Variants in KCNT2 observed in about 807,000 individuals in gnomAD.
KCNT2 encodes potassium channel subfamily T member 2.
A neutral mutation model predicts 153.8 loss-of-function variants in KCNT2; 67 were observed. The ratio of observed to expected loss-of-function variants is 0.44; its 90% CI spans 0.36 to 0.53. The LOEUF is 0.53. Ranked by LOEUF, KCNT2 falls within the 20% of genes least tolerant of loss-of-function variation. The pLI is 0.00. For synonymous variants in KCNT2, 500 were observed against 458.8 expected (o/e 1.09, Z -1.15); for missense variants, 975 against 1,354.8 (o/e 0.72, Z 4.40).
At chr1:196,508,155 A>G (rs893235302) in intron 1 of KCNT2, among the ~76,000 whole-genome samples, 10 of 150,366 alleles carry the variant, frequency 6.7e-5, no homozygotes, top group African/African-American at 2.4e-4. Flanking sequence ...GCAGCATTAA[A>G]TAAATGAATC....
intron 27 of KCNT2, among the ~76,000 whole-genome samples, chr1:196,229,227 T>G (rs984518116): frequency 7.2e-5 from 11 of 152,122 alleles, no homozygotes; most frequent in Admixed American, 3.9e-4. Context: ...TTTTCCAGCA[T>G]GTGCTCACTT....
At chr1:196,573,497 A>T (rs1311419228) in intron 1 of KCNT2, among the ~76,000 whole-genome samples, 1 of 152,100 alleles carries the variant, frequency 6.6e-6, no homozygotes, top group Non-Finnish European at 1.5e-5. Context: ...AAATGATCTT[A>T]ACAACTTTGA....
intron 27 of KCNT2, among the ~76,000 whole-genome samples, chr1:196,228,683 G>A (rs1404903350): frequency 6.6e-6 from 1 of 152,006 alleles, no homozygotes; most frequent in East Asian, 1.9e-4. Flanking sequence ...TTATGATTAA[G>A]TATGCTGTTG....
intron 16 of KCNT2, among the ~76,000 whole-genome samples, chr1:196,339,179 T>A (rs1364011614): frequency 6.6e-6 from 1 of 151,718 alleles, no homozygotes; most frequent in East Asian, 1.9e-4. Context: ...AGAACAGAAG[T>A]GACCACACAA....
At chr1:196,521,878 G>A (rs1653472227) in intron 1 of KCNT2, among the ~76,000 whole-genome samples, 1 of 151,970 alleles carries the variant, frequency 6.6e-6, no homozygotes, top group African/African-American at 2.4e-5. Flanking sequence ...AAAATAATCT[G>A]TACAACAAAC....
chr1:196,340,650 T>C, intron 15 of KCNT2, 80 bp from the exon 16 acceptor site: 2 of 815,016 alleles, frequency 2.5e-6, no homozygotes, highest in South Asian at 2.0e-5. Flanking sequence ...CTTTAAATAA[T>C]AGCATTTTAA....
intron 14 of KCNT2, among the ~76,000 whole-genome samples, chr1:196,366,607 T>G (rs889029249): frequency 1.3e-5 from 2 of 152,142 alleles, no homozygotes; most frequent in Admixed American, 1.3e-4. Context: ...ACCAACTCCT[T>G]GATGAAGTCA....
Position 196,421,397 on chromosome 1 carries a change from A to G in KCNT2, c.1185+1653T>C, listed in dbSNP as rs199943373. ...CATACTGAAAAACTGAAAGTAATTTAAAGCCAAATTACCACTCGAGGGGGC... is the reference window on the plus strand; with the variant it reads ...CATACTGAAAAACTGAAAGTAATTTGAAGCCAAATTACCACTCGAGGGGGC... On this transcript the variant is annotated intron_variant, in intron 12 of 27. Coordinates refer to ENST00000294725, the MANE Select transcript of KCNT2 (RefSeq NM_198503.5). Among the ~76,000 whole-genome samples the G allele has an allele frequency of 3.0e-4, 45 of 152,190 alleles. No individual in the cohort carries two copies. In the East Asian group the frequency reaches 8.4e-3, roughly 28 times the overall value.
In KCNT2 at chr1:196,596,054, GTGTATATATA is replaced by G. The variant is rs1265816628; in HGVS notation, c.95+12151_95+12160del. ...TTATGGCTGAGTTGTATTCCATGAT[GTGTATATATA>G]TATATATATATATATATATATATAT... is the stretch of plus-strand genomic sequence containing the variant. On this transcript the variant is annotated intron_variant, in intron 1 of 27. Transcript: ENST00000294725. Among the ~76,000 whole-genome samples the G allele has an allele frequency of 6.6e-4, 91 of 138,542 alleles. 1 individual carries two copies. The highest frequency in any genetic ancestry group is 2.3e-3 in the African/African-American group (70 of 30,412). 90.9% of individuals were successfully genotyped at this position (138,542 alleles called of 152,430 possible).
intron 12 of KCNT2, among the ~76,000 whole-genome samples, chr1:196,410,080 G>C (rs112879961): frequency 6.6e-6 from 1 of 151,426 alleles, no homozygotes; most frequent in East Asian, 2.0e-4. Flanking sequence ...ATACTTGTTG[G>C]CCACTTGTAT....
chr1:196,240,562 G>C (rs970598195), intron 26 of KCNT2, among the ~76,000 whole-genome samples: 6 of 151,916 alleles, frequency 3.9e-5, no homozygotes, highest in African/African-American at 1.5e-4. Flanking sequence ...TGAAGGTGTG[G>C]GCATGCATAA....
intron 4 of KCNT2, 57 bp downstream of exon 4, chr1:196,482,274 C>A: frequency 1.8e-6 from 2 of 1,104,280 alleles, no homozygotes; most frequent in South Asian, 2.8e-5. Context: ...AATAGTACTT[C>A]TCTGTGAAAT....
At chr1:196,437,479 A>G (rs1478619834) in intron 8 of KCNT2, among the ~76,000 whole-genome samples, 2 of 145,478 alleles carry the variant, frequency 1.4e-5, no homozygotes, top group Non-Finnish European at 3.0e-5. Flanking sequence ...TTATTATCCT[A>G]TATCCCCCGC....
intron 1 of KCNT2, among the ~76,000 whole-genome samples, chr1:196,525,606 C>A (rs1389568123): frequency 1.3e-5 from 2 of 152,120 alleles, no homozygotes; most frequent in Non-Finnish European, 2.9e-5. Flanking sequence ...ATTTATTGTG[C>A]ATAATGAGGC....
At chr1:196,278,852 A>G (rs898197567) in intron 25 of KCNT2, among the ~76,000 whole-genome samples, 12 of 152,190 alleles carry the variant, frequency 7.9e-5, no homozygotes, top group African/African-American at 2.7e-4. Flanking sequence ...CCCACAATGC[A>G]TATGTGAAAA....
intron 26 of KCNT2, among the ~76,000 whole-genome samples, chr1:196,239,601 TTTTTG>T (rs1293818562): frequency 6.6e-6 from 1 of 152,024 alleles, no homozygotes; most frequent in African/African-American, 2.4e-5. Context: ...TACTTTCATA[TTTTTG>T]TTTTGTTTTA....
intron 13 of KCNT2, among the ~76,000 whole-genome samples, chr1:196,380,838 A>G (rs1669420431): frequency 6.6e-6 from 1 of 152,222 alleles, no homozygotes; most frequent in Non-Finnish European, 1.5e-5. Context: ...AATGTCTTGC[A>G]ATCAAGTGAG....
chr1:196,514,373 T>C (rs917376374), intron 1 of KCNT2, among the ~76,000 whole-genome samples: 1 of 152,192 alleles, frequency 6.6e-6, no homozygotes, highest in Non-Finnish European at 1.5e-5. Flanking sequence ...TATGTACTAA[T>C]ATTGGGGCTG....
At chr1:196,255,437 T>A (rs1053387784) in intron 26 of KCNT2, among the ~76,000 whole-genome samples, 1 of 151,768 alleles carries the variant, frequency 6.6e-6, no homozygotes, top group Non-Finnish European at 1.5e-5. Flanking sequence ...GCAGAATGTG[T>A]AGATTGTCAC....
Sources: allele counts gnomAD v4.1 joint callset (sites outside exome capture counted in the v4.1 genomes callset), GRCh38; gene constraint gnomAD v4.1.1; transcripts MANE v1.5; gene names NCBI Gene and HGNC (gene_info 2026-07-23, HGNC 2026-07-21).